BCL2L13: variants seen among roughly 807,000 people sequenced by gnomAD.
BCL2L13 encodes the protein bcl-2-like protein 13.
BCL2L13 carries 13 observed loss-of-function variants against 25.8 expected under a neutral mutation model. The ratio of observed to expected loss-of-function variants is 0.50; its 90% confidence interval spans 0.33 to 0.80. BCL2L13 has a LOEUF of 0.80. Among genes scored for constraint, BCL2L13 ranks in the 30% least tolerant of loss-of-function variants. The pLI is 0.02. For missense variants in BCL2L13, 504 were observed against 574.9 expected (o/e 0.88, Z 1.26); for synonymous variants, 244 against 230.3 (o/e 1.06, Z -0.54).
intron 4 of BCL2L13, 163 bp from the exon 5 acceptor site, chr22:17,695,978 G>T: frequency 3.9e-6 from 2 of 516,344 alleles, no homozygotes; most frequent in Admixed American, 3.0e-5. Context: ...CTTGAAAAAA[G>T]TGCATACTAG....
intron 2 of BCL2L13, among the ~76,000 whole-genome samples, chr22:17,664,680 C>T (rs965413655): frequency 4.6e-5 from 7 of 152,252 alleles, no homozygotes; most frequent in African/African-American, 1.7e-4. Context: ...CATTTCCATA[C>T]ATCTTCTGAA....
upstream of BCL2L13, among the ~76,000 whole-genome samples, chr22:17,634,187 T>C (rs1403946838): frequency 2.6e-5 from 4 of 152,022 alleles, no homozygotes; most frequent in Non-Finnish European, 5.9e-5. Flanking sequence ...TTTTTGTTTG[T>C]CTTGTTTTGT....
intron 4 of BCL2L13, chr22:17,692,521 C>T (rs1427030626): frequency 6.6e-6 from 1 of 152,170 alleles, no homozygotes; most frequent in African/African-American, 2.4e-5. Context: ...TGCTGAAGTT[C>T]AAGGTTTACA....
chr22:17,678,966 C>T (rs1021050222), intron 2 of BCL2L13, among the ~76,000 whole-genome samples: 1 of 152,174 alleles, frequency 6.6e-6, no homozygotes, highest in African/African-American at 2.4e-5. Flanking sequence ...CCCCCACACC[C>T]AGGTAGGGGC....
At chr22:17,655,876 G>A in intron 2 of BCL2L13, 44 bp downstream of exon 2, 2 of 1,541,014 alleles carry the variant, frequency 1.3e-6, no homozygotes, top group Non-Finnish European at 1.8e-6. Flanking sequence ...TTGTAATAAG[G>A]ACTTTATATA....
At chr22:17,643,483 A>G (rs1279753486) in intron 1 of BCL2L13, among the ~76,000 whole-genome samples, 1 of 152,124 alleles carries the variant, frequency 6.6e-6, no homozygotes, top group East Asian at 1.9e-4. Context: ...CAAAGCATGG[A>G]TTAGAAAATA....
At chr22:17,673,784 T>A (rs1394211369) in intron 2 of BCL2L13, among the ~76,000 whole-genome samples, 1 of 152,212 alleles carries the variant, frequency 6.6e-6, no homozygotes, top group Non-Finnish European at 1.5e-5. Flanking sequence ...ATGGGAACTT[T>A]GTATTTTTTT....
intron 6 of BCL2L13, among the ~76,000 whole-genome samples, chr22:17,722,413 G>GTGTGTGTA (rs1569017683): frequency 2.0e-5 from 3 of 151,222 alleles, no homozygotes; most frequent in African/African-American, 7.3e-5. Flanking sequence ...GTGTGTGTGT[G>GTGTGTGTA]TGTGTGTATG....
rs1251444626 is a variant in BCL2L13, at chr22:17,715,164, A to T, written c.601-11513A>T. Among the ~76,000 whole-genome samples the T allele has an allele frequency of 7.1e-3, 38 of 5,352 alleles. 2 individuals are homozygous for T. The highest frequency in any genetic ancestry group is 0.1 in the Middle Eastern group (1 of 10). The allele number at this position is 5,352 out of a possible 152,430, so 3.5% of individuals were successfully genotyped here. Reference sequence around the variant, plus strand: ...TATATATATATATATATATATATATATATATATTTTTTTTTTTTTTTTTTT... The same window carrying T: ...TATATATATATATATATATATATATTTATATATTTTTTTTTTTTTTTTTTT... On this transcript the variant is annotated intron_variant, in intron 6 of 6. Transcript: ENST00000317582.
chr22:17,702,087 A>C (rs2145708519), intron 5 of BCL2L13, among the ~76,000 whole-genome samples, 156 bp from the exon 6 acceptor site: 1 of 152,330 alleles, frequency 6.6e-6, no homozygotes, highest in East Asian at 1.9e-4. Context: ...GTATTCAGAA[A>C]AATCCTAATA....
At chr22:17,669,485 G>A (rs2059349044) in intron 2 of BCL2L13, among the ~76,000 whole-genome samples, 1 of 152,168 alleles carries the variant, frequency 6.6e-6, no homozygotes, top group African/African-American at 2.4e-5. Context: ...TAGGAAGGGA[G>A]GTGCCATGCT....
rs565198640 is a variant in BCL2L13, at chr22:17,644,021, C to G, written c.-51+5135C>G. On this transcript the variant is annotated intron_variant, in intron 1 of 6. Transcript: ENST00000317582. ...CTTCCTGGGCTCAAGCCTGATTCTC[C>G]TGGCTCAGCCTCCTGAGTAGCTGGG... 2.6e-4 allele frequency among the ~76,000 whole-genome samples: 40 copies of G among 151,478 alleles called. 1 individual carries two copies. Among genetic ancestry groups the G allele is most frequent in the Non-Finnish European group, 3.7e-4 (25 of 67,996 alleles).
Position 17,696,168 on chromosome 22 carries a change from A to G in BCL2L13, c.414A>G (p.Glu138=), listed in dbSNP as rs755242901. The change falls in exon 5 of 7, where the codon GAA becomes GAG. Residue 138 remains glutamate, a synonymous_variant. Transcript: ENST00000317582. The part of the protein sequence containing the change: ...SQPVTYQAFR[E]CTLETTVHAS... ...CAGTGACATATCAGGCATTTCGGGA[A>G]TGTACACTGGAGACCACAGTTCATG... The G allele has an allele frequency of 1.4e-5, 22 of 1,613,846 alleles. No homozygotes were observed. In the Admixed American group the frequency reaches 2.8e-4, roughly 21 times the overall value.
Position 17,702,277 on chromosome 22 carries a change from T to G in BCL2L13, c.491T>G (p.Leu164Arg). The change falls in exon 6 of 7, where the codon CTT becomes CGT. Residue 164 changes from leucine to arginine, a missense_variant. Physicochemically the swap from Leu to Arg is moderately radical, Grantham distance 102 (BLOSUM62 -2). Transcript: ENST00000317582. ...LVPLVLLRQMLLELTRRGQEP... is the reference protein window; with the variant it reads ...LVPLVLLRQMRLELTRRGQEP... ...CCTCTGGTTTTGCTACGACAAATGC[T>G]TTTGGAATTGACAAGACGTGGTCAA... The G allele has an allele frequency of 6.2e-7, 1 of 1,610,138 alleles. No individual in the cohort carries two copies. The highest frequency in any genetic ancestry group is 8.5e-7 in the Non-Finnish European group (1 of 1,178,266).
intron 6 of BCL2L13, among the ~76,000 whole-genome samples, chr22:17,708,480 C>T (rs1224620227): frequency 2.0e-5 from 3 of 152,174 alleles, no homozygotes; most frequent in Non-Finnish European, 4.4e-5. Flanking sequence ...CCTCTCATAG[C>T]ATTGTTGTGA....
rs16981028 is a variant in BCL2L13, at chr22:17,706,778, G to A, written c.600+4392G>A. ...TCATTTCCTGGGCTTGTGTTGCTAC[G>A]TTAGAAGTCTGTCTGTCTCCTGGAA... On this transcript the variant is annotated intron_variant, in intron 6 of 6. Coordinates refer to ENST00000317582, the MANE Select transcript of BCL2L13 (RefSeq NM_015367.4). The A allele has an allele frequency of 3.0e-4, 402 of 1,352,000 alleles. No homozygotes were observed. The African/African-American group carries it at 5.4e-3, about 18-fold the overall frequency. The allele number at this position is 1,352,000 out of a possible 1,614,324, so 83.8% of individuals were successfully genotyped here.
chr22:17,667,717 G>A (rs1436730288), intron 2 of BCL2L13, among the ~76,000 whole-genome samples: 1 of 138,686 alleles, frequency 7.2e-6, no homozygotes, highest in Non-Finnish European at 1.6e-5. Context: ...CCATGTTGGC[G>A]AGGCTGGTCT....
chr22:17,684,707 G>A (rs1410715173), intron 3 of BCL2L13: 2 of 398,572 alleles, frequency 5.0e-6, no homozygotes, highest in South Asian at 1.8e-5. Context: ...AGGATTACAG[G>A]TATGTGCCAC....
At chr22:17,632,360 A>G (rs544281361) in intron 1 of BCL2L13, among the ~76,000 whole-genome samples, 1 of 152,350 alleles carries the variant, frequency 6.6e-6, no homozygotes, top group East Asian at 1.9e-4. Flanking sequence ...ACACAGGGCA[A>G]GAGAAACTGA....
Sources: gnomAD v4.1 joint callset for allele counts (sites outside exome capture counted in the v4.1 genomes callset) on GRCh38, gnomAD v4.1.1 for gene constraint, MANE v1.5 for transcripts, NCBI Gene and HGNC (gene_info 2026-07-23, HGNC 2026-07-21) for gene names.